The following GSK3B variants were observed in gnomAD, a reference collection of about 807,000 sequenced individuals.
GSK3B encodes glycogen synthase kinase-3 beta.
GSK3B carries 15 observed loss-of-function variants against 56.4 expected under a neutral mutation model. The ratio of observed to expected loss-of-function variants is 0.27; its 90% confidence interval spans 0.18 to 0.41. GSK3B has a LOEUF of 0.41. Ranked by LOEUF, GSK3B falls within the 10% of genes least tolerant of loss-of-function variation. GSK3B has a pLI of 1.00. For synonymous variants in GSK3B, 181 were observed against 188.9 expected, an observed-to-expected ratio of 0.96 and a Z score of 0.34; for missense variants, 300 against 513.4, an observed-to-expected ratio of 0.58 and a Z score of 4.02.
chr3:119,891,499 T>C (rs1468580411), intron 7 of GSK3B, among the ~76,000 whole-genome samples: 3 of 152,138 alleles, frequency 2.0e-5, no homozygotes, highest in Non-Finnish European at 4.4e-5. Flanking sequence ...TTTGGAACTT[T>C]TGAAACAGAA....
rs529196619 is a variant in GSK3B, at chr3:119,825,157, G to A, written c.*1631C>T. ...CTTTAAATGTAAAGTACAACTGATT[G>A]TGCCTTAAAGATTCATAGGTCAAGT... On this transcript the variant is annotated 3_prime_UTR_variant, in exon 11 of 11. Transcript: ENST00000264235. 4.6e-6 allele frequency: 1 copy of A among 217,714 alleles called. No homozygotes were observed. Among genetic ancestry groups the A allele is most frequent in the South Asian group, 1.8e-4 (1 of 5,414 alleles). The allele number at this position is 217,714 out of a possible 1,614,324, so 13.5% of individuals were successfully genotyped here. A position where few individuals can be genotyped will look rare whatever the true frequency, so the allele number is the denominator to read the frequency against.
intron 2 of GSK3B, among the ~76,000 whole-genome samples, chr3:119,985,106 T>C (rs879071232): frequency 5.9e-5 from 9 of 152,132 alleles, no homozygotes; most frequent in East Asian, 1.9e-4. Flanking sequence ...ATTATCTCAA[T>C]AGATGCAGAA....
rs2055438118 is a variant in GSK3B at position 119,823,045 on chromosome 3, G to T, written c.*3743C>A. The T allele has an allele frequency of 8.7e-6, 2 of 229,538 alleles. No homozygotes were observed. The highest frequency in any genetic ancestry group is 1.7e-5 in the Non-Finnish European group (2 of 115,882). The allele number at this position is 229,538 out of a possible 1,614,324, so 14.2% of individuals were successfully genotyped here. On this transcript the variant is annotated 3_prime_UTR_variant, in exon 11 of 11. Transcript: ENST00000264235. ...CAAAAATGTGTCTAAAAATTAAGAG[G>T]ACTTAAAAAAAATGACACAGCATGT...
intron 7 of GSK3B, among the ~76,000 whole-genome samples, chr3:119,893,643 G>A (rs2056529137): frequency 6.6e-6 from 1 of 151,904 alleles, no homozygotes; most frequent in Non-Finnish European, 1.5e-5. Context: ...ACTAAAGGAG[G>A]GTCCCCCCGT....
intron 1 of GSK3B, among the ~76,000 whole-genome samples, chr3:120,051,795 T>C (rs2058152717): frequency 6.6e-6 from 1 of 151,842 alleles, no homozygotes; most frequent in Non-Finnish European, 1.5e-5. Flanking sequence ...TATGAGTAAT[T>C]TGGTATGACT....
chr3:119,998,849 T>G (rs1470275646), intron 2 of GSK3B, among the ~76,000 whole-genome samples: 1 of 152,078 alleles, frequency 6.6e-6, no homozygotes, highest in Non-Finnish European at 1.5e-5. Flanking sequence ...CCTACAGAAC[T>G]GAAAAACATA....
chr3:119,985,607 C>A (rs1276084873), intron 2 of GSK3B, among the ~76,000 whole-genome samples: 1 of 152,066 alleles, frequency 6.6e-6, no homozygotes, highest in Admixed American at 6.6e-5. Context: ...GAATTAAATA[C>A]CTAGGAATAC....
At chr3:119,978,078 C>T (rs1447440828) in intron 2 of GSK3B, among the ~76,000 whole-genome samples, 1 of 152,082 alleles carries the variant, frequency 6.6e-6, no homozygotes, top group Non-Finnish European at 1.5e-5. Context: ...CTTGAACAAG[C>T]CCCTCATTCT....
chr3:119,931,403 C>T (rs376668782), intron 3 of GSK3B, among the ~76,000 whole-genome samples: 4 of 152,232 alleles, frequency 2.6e-5, no homozygotes, highest in South Asian at 4.1e-4. Context: ...ATCTCTTGAG[C>T]CCGGAAGTTT....
chr3:119,853,352 C>T (rs1050013859), intron 9 of GSK3B, among the ~76,000 whole-genome samples: 4 of 149,970 alleles, frequency 2.7e-5, no homozygotes, highest in East Asian at 2.0e-4. Flanking sequence ...GAAGTCAAGT[C>T]GTGCTGCCTC....
chr3:120,042,463 A>G (rs1334244532), intron 1 of GSK3B, among the ~76,000 whole-genome samples: 1 of 152,192 alleles, frequency 6.6e-6, no homozygotes, highest in Non-Finnish European at 1.5e-5. Context: ...AAAACTGATA[A>G]ACAAACTATA....
At chr3:120,013,741 C>T (rs1559876444) in intron 1 of GSK3B, among the ~76,000 whole-genome samples, 1 of 151,780 alleles carries the variant, frequency 6.6e-6, no homozygotes, top group African/African-American at 2.4e-5. Flanking sequence ...AAATAACACA[C>T]AGCTATTTTT....
chr3:119,973,741 T>C (rs2057387941), intron 2 of GSK3B, among the ~76,000 whole-genome samples: 1 of 152,226 alleles, frequency 6.6e-6, no homozygotes, highest in Non-Finnish European at 1.5e-5. Context: ...TCACTTACTG[T>C]GCCTAATTTG....
At chr3:119,981,926 G>T (rs913376163) in intron 2 of GSK3B, among the ~76,000 whole-genome samples, 1 of 152,236 alleles carries the variant, frequency 6.6e-6, no homozygotes, top group African/African-American at 2.4e-5. Context: ...GCCTAACTGG[G>T]AGATACCTCC....
At chr3:119,918,372 G>A (rs1268212676) in intron 4 of GSK3B, among the ~76,000 whole-genome samples, 1 of 151,402 alleles carries the variant, frequency 6.6e-6, no homozygotes, top group Non-Finnish European at 1.5e-5. Context: ...CGGAAGGCTG[G>A]GGCAGGAGAA....
intron 6 of GSK3B, among the ~76,000 whole-genome samples, chr3:119,909,394 G>A (rs960715478): frequency 1.1e-4 from 16 of 152,108 alleles, no homozygotes; most frequent in Admixed American, 1.0e-3. Context: ...TTTGTTTCTG[G>A]ACTAAAGGAA....
chr3:119,832,723 C>T (rs543782832), intron 10 of GSK3B, among the ~76,000 whole-genome samples: 7 of 152,186 alleles, frequency 4.6e-5, no homozygotes, highest in Non-Finnish European at 8.8e-5. Context: ...CCAGATGCTG[C>T]AAAGCAAATT....
chr3:120,021,537 C>A (rs2057878164), intron 1 of GSK3B, among the ~76,000 whole-genome samples: 2 of 151,570 alleles, frequency 1.3e-5, no homozygotes, highest in African/African-American at 4.8e-5. Flanking sequence ...AAAGAATATT[C>A]ATGATTCATA....
At chr3:119,960,908 C>A (rs1298758982) in intron 2 of GSK3B, among the ~76,000 whole-genome samples, 1 of 152,064 alleles carries the variant, frequency 6.6e-6, no homozygotes, top group African/African-American at 2.4e-5. Flanking sequence ...TAGAACAATG[C>A]CCAGCCCATA....
Sources: allele counts gnomAD v4.1 joint callset (sites outside exome capture counted in the v4.1 genomes callset), GRCh38; gene constraint gnomAD v4.1.1; transcripts MANE v1.5; gene names NCBI Gene and HGNC (gene_info 2026-07-23, HGNC 2026-07-21).